DRD2: variants seen among roughly 807,000 people sequenced by gnomAD.
DRD2 encodes dopamine receptor D2.
In DRD2, 8 loss-of-function variants were observed where a neutral mutation model predicts 38.0. The observed-to-expected ratio is 0.21, with a 90% CI of 0.12 to 0.38. The LOEUF (loss-of-function observed/expected upper bound fraction) is 0.38, where lower values mean the gene tolerates loss of function less well. DRD2 is among the 10% of genes least tolerant of loss of function. The pLI is 1.00. For missense variants in DRD2, 403 were observed against 607.7 expected (o/e 0.66, Z 3.54); for synonymous variants, 230 against 238.6 (o/e 0.96, Z 0.33).
chr11:113,466,029 G>A (rs1951365743), intron 1 of DRD2, among the ~76,000 whole-genome samples: 1 of 152,184 alleles, frequency 6.6e-6, no homozygotes, highest in Non-Finnish European at 1.5e-5. Flanking sequence ...CCTGTTTTAT[G>A]AAGGGATAAA....
intron 1 of DRD2, among the ~76,000 whole-genome samples, chr11:113,426,104 A>G (rs1263933941): frequency 6.6e-6 from 1 of 152,120 alleles, no homozygotes; most frequent in Admixed American, 6.5e-5. Context: ...AGATAGTGGA[A>G]ACGAGGATGG....
chr11:113,429,409 T>G (rs1358307421), intron 1 of DRD2, among the ~76,000 whole-genome samples: 2 of 152,174 alleles, frequency 1.3e-5, no homozygotes, highest in Admixed American at 1.3e-4. Context: ...CATGTCCAGC[T>G]AATTTTTTTG....
chr11:113,428,508 G>T (rs1950959245), intron 1 of DRD2, among the ~76,000 whole-genome samples: 1 of 152,208 alleles, frequency 6.6e-6, no homozygotes, highest in Non-Finnish European at 1.5e-5. Flanking sequence ...TCCTGCAGGG[G>T]GATCTGGGTG....
At chr11:113,444,666 C>T (rs926564169) in intron 1 of DRD2, among the ~76,000 whole-genome samples, 11 of 152,196 alleles carry the variant, frequency 7.2e-5, no homozygotes, top group Admixed American at 1.3e-4. Flanking sequence ...CTGATGATGA[C>T]GGTGATTGCT....
At chr11:113,411,886 C>T (rs1252335248) in intron 7 of DRD2, 4 of 152,830 alleles carry the variant, frequency 2.6e-5, no homozygotes, top group African/African-American at 9.7e-5. Context: ...TCCCAGCCAC[C>T]CATATCAGTC....
At chr11:113,421,371 C>T (rs1209604072) in intron 2 of DRD2, among the ~76,000 whole-genome samples, 1 of 152,192 alleles carries the variant, frequency 6.6e-6, no homozygotes, top group Non-Finnish European at 1.5e-5. Context: ...TGGGGTAAGA[C>T]CTCGGAGTGC....
chr11:113,453,263 T>A (rs751675198), intron 1 of DRD2, among the ~76,000 whole-genome samples: 3 of 152,218 alleles, frequency 2.0e-5, no homozygotes, highest in Non-Finnish European at 4.4e-5. Context: ...TAACTGCTGC[T>A]GCTCATTTTA....
chr11:113,456,716 T>C (rs1408416399), intron 1 of DRD2, among the ~76,000 whole-genome samples: 2 of 151,980 alleles, frequency 1.3e-5, no homozygotes, highest in Non-Finnish European at 2.9e-5. Context: ...AGACAGAAGG[T>C]AAAATGGTGG....
Position 113,475,252 on chromosome 11 carries a change from C to T in DRD2, c.-208G>A, listed in dbSNP as rs1241491742. On this transcript the variant is annotated 5_prime_UTR_variant, in exon 1 of 8. Coordinates refer to ENST00000362072, the MANE Select transcript of DRD2 (RefSeq NM_000795.4). ...TTCAGAGCCCCGGCGGGCAGCAGCT[C>T]GGCCGGCTCTGGCCCGCGGGGAGCA... The T allele has an allele frequency of 6.7e-6, 1 of 149,494 alleles. No individual in the cohort carries two copies. The highest frequency in any genetic ancestry group is 2.4e-5 in the African/African-American group (1 of 41,096). 9.3% of individuals were successfully genotyped at this position (149,494 alleles called of 1,614,324 possible).
chr11:113,438,777 A>G (rs1382455632), intron 1 of DRD2, among the ~76,000 whole-genome samples: 1 of 152,248 alleles, frequency 6.6e-6, no homozygotes, highest in Non-Finnish European at 1.5e-5. Context: ...GCTATGAGAC[A>G]TCTCTGCTAC....
chr11:113,438,709 G>A (rs1305582325), intron 1 of DRD2, among the ~76,000 whole-genome samples: 2 of 152,088 alleles, frequency 1.3e-5, no homozygotes, highest in Non-Finnish European at 2.9e-5. Context: ...CTAAATCTTT[G>A]AGAAAAAAGA....
intron 1 of DRD2, among the ~76,000 whole-genome samples, chr11:113,461,635 C>A (rs578134093): frequency 4.8e-4 from 73 of 152,240 alleles, no homozygotes; most frequent in Admixed American, 1.3e-3. Flanking sequence ...CTGACTCTGC[C>A]CCCAAAAGAT....
intron 1 of DRD2, among the ~76,000 whole-genome samples, chr11:113,462,481 A>C (rs998116570): frequency 1.3e-5 from 2 of 152,154 alleles, no homozygotes; most frequent in African/African-American, 4.8e-5. Context: ...GGGAGAGACA[A>C]TCATGTGAAG....
chr11:113,452,481 C>CGT (rs1565675377), intron 1 of DRD2, among the ~76,000 whole-genome samples: 10 of 122,776 alleles, frequency 8.1e-5, no homozygotes, highest in Non-Finnish European at 1.6e-4. Flanking sequence ...CGCGCGCGCG[C>CGT]GCGCGCACAT....
At chr11:113,429,313 C>T (rs758306164) in intron 1 of DRD2, among the ~76,000 whole-genome samples, 7 of 151,998 alleles carry the variant, frequency 4.6e-5, no homozygotes, top group African/African-American at 7.3e-5. Flanking sequence ...GGGGCTATCT[C>T]GGCTCACTGC....
At chr11:113,465,295 A>T (rs1275211164) in intron 1 of DRD2, among the ~76,000 whole-genome samples, 1 of 152,124 alleles carries the variant, frequency 6.6e-6, no homozygotes, top group East Asian at 1.9e-4. Context: ...AGCTTTTGCC[A>T]TGTTGGCCAG....
intron 1 of DRD2, among the ~76,000 whole-genome samples, chr11:113,459,198 G>A (rs1951293816): frequency 6.6e-6 from 1 of 152,142 alleles, no homozygotes; most frequent in Admixed American, 6.5e-5. Context: ...ATATAAGGAA[G>A]ATAATATAGT....
chr11:113,473,030 G>C (rs895993860), intron 1 of DRD2, among the ~76,000 whole-genome samples: 15 of 152,278 alleles, frequency 9.9e-5, no homozygotes, highest in African/African-American at 3.6e-4. Context: ...ATAACAGCAG[G>C]AGACAAAGGG....
At chr11:113,427,387 G>A (rs1285683894) in intron 1 of DRD2, among the ~76,000 whole-genome samples, 1 of 151,854 alleles carries the variant, frequency 6.6e-6, no homozygotes, top group African/African-American at 2.4e-5. Context: ...CCCTCCTCAG[G>A]GTCCTGCAGC....
Sources: gnomAD v4.1 joint callset for allele counts (sites outside exome capture counted in the v4.1 genomes callset) on GRCh38, gnomAD v4.1.1 for gene constraint, MANE v1.5 for transcripts, NCBI Gene and HGNC (gene_info 2026-07-23, HGNC 2026-07-21) for gene names.